CARD14: variants seen among roughly 807,000 people sequenced by gnomAD.
CARD14 encodes the protein caspase recruitment domain-containing protein 14.
CARD14 carries 107 observed loss-of-function variants against 111.5 expected under a neutral mutation model. That is an observed-to-expected ratio of 0.96 (90% confidence interval 0.82 to 1.13). CARD14 has a LOEUF of 1.13. CARD14 is among the 50% of genes most tolerant of loss of function. CARD14 has a pLI of 0.00. For missense variants in CARD14, 1,322 were observed against 1,362.3 expected (o/e 0.97, Z 0.47); for synonymous variants, 617 against 579.6 (o/e 1.06, Z -0.93).
At chr17:80,177,047 C>T (rs2040041989) in intron 2 of CARD14, among the ~76,000 whole-genome samples, 1 of 152,214 alleles carries the variant, frequency 6.6e-6, no homozygotes, top group South Asian at 2.1e-4. Flanking sequence ...CAGAAGTCCA[C>T]ACTCCAGGGG....
In CARD14 at chr17:80,205,577, C is replaced by T. The variant is rs772829777; in HGVS notation, c.2616C>T (p.Asp872=). The change falls in exon 22 of 24, where the codon GAC becomes GAT. Residue 872 remains aspartate, a synonymous_variant. Transcript: ENST00000648509. Reference sequence around the variant, plus strand: ...ATGAGGCCTGGAGCCAGAGAGGGGACATCATCCAGGAGGGAGAGGTGTCCG... The same window carrying T: ...ATGAGGCCTGGAGCCAGAGAGGGGATATCATCCAGGAGGGAGAGGTGTCCG... ...EEYEAWSQRG[D]IIQEGEVSGG... is the part of the protein sequence containing the mutation. The T allele has an allele frequency of 1.3e-6, 2 of 1,575,954 alleles. No homozygotes were observed. Among genetic ancestry groups the T allele is most frequent in the East Asian group, 4.6e-5 (2 of 43,222 alleles).
At chr17:80,192,727 A>G (rs906078157) in intron 12 of CARD14, 108 bp downstream of exon 12, 14 of 717,064 alleles carry the variant, frequency 2.0e-5, no homozygotes, top group Non-Finnish European at 3.2e-5. Flanking sequence ...CCCCACAGGG[A>G]AGAGGTTGGT....
intron 1 of CARD14, 34 bp downstream of exon 1, chr17:80,170,090 GTCAGCCTACGGAGGGC>G (rs138574449): frequency 1.3e-5 from 2 of 151,770 alleles, no homozygotes; most frequent in African/African-American, 2.4e-5. Context: ...CGAAGAGCAG[GTCAGCCTACGGAGGGC>G]TCAGCCTACG....
chr17:80,209,124 T>C lies in CARD14; in HGVS notation c.*779T>C. 5.5e-6 allele frequency: 1 copy of C among 182,330 alleles called. No homozygotes were observed. The highest frequency in any genetic ancestry group is 1.0e-5 in the Non-Finnish European group (1 of 95,610). 11.3% of individuals were successfully genotyped at this position (182,330 alleles called of 1,614,324 possible). A position where few individuals can be genotyped will look rare whatever the true frequency, so the allele number is the denominator to read the frequency against. On this transcript the variant is annotated 3_prime_UTR_variant, in exon 24 of 24. Transcript: ENST00000648509. ...CAGCCCTTCTTGGGCCAAACATCTTTACTCCACCTTCAGGGCTCGGGGAGG... is the reference window on the plus strand; with the variant it reads ...CAGCCCTTCTTGGGCCAAACATCTTCACTCCACCTTCAGGGCTCGGGGAGG...
Position 80,198,603 on chromosome 17 carries a change from G to C in CARD14, c.1851+12G>C, listed in dbSNP as rs767173320. 8.7e-6 allele frequency: 14 copies of C among 1,611,132 alleles called. No individual in the cohort carries two copies. Among genetic ancestry groups the C allele is most frequent in the Non-Finnish European group, 1.1e-5 (13 of 1,179,440 alleles). On this transcript the variant is annotated intron_variant, in intron 16 of 23. Transcript: ENST00000648509. This position sits in a 1 kb window ranked among gnomAD's most constrained non-coding sequence, Gnocchi z 7.5. ...CCCAGATTGTGATGGTGAGCCGTGCGAGGCCCCTCCTGTCCCCCGGGCTCC... is the reference window on the plus strand; with the variant it reads ...CCCAGATTGTGATGGTGAGCCGTGCCAGGCCCCTCCTGTCCCCCGGGCTCC...
At position 80,208,701 on chromosome 17, in the gene CARD14, G is replaced by A. The variant is rs2041491778; in HGVS notation, c.*356G>A. 2 of 222,474 alleles carry A rather than the reference G, an allele frequency of 9.0e-6. No individual in the cohort carries two copies. The highest frequency in any genetic ancestry group is 2.3e-5 in the African/African-American group (1 of 44,088). The allele number at this position is 222,474 out of a possible 1,614,324, so 13.8% of individuals were successfully genotyped here. On this transcript the variant is annotated 3_prime_UTR_variant, in exon 24 of 24. Coordinates refer to ENST00000648509, the MANE Select transcript of CARD14 (RefSeq NM_001366385.1). ...TGGAAAACCGCCTGTCTGCAGGCCC[G>A]ATTCAAATCTATGGGGGCTGCACTT...
At chr17:80,187,815 G>A in intron 7 of CARD14, 1 of 985,446 alleles carries the variant, frequency 1.0e-6, no homozygotes. Context: ...GAGGAAGGAG[G>A]CCAGCAGGAC....
rs1203136702 is a variant in CARD14 at position 80,206,963 on chromosome 17, C to T, written c.2692-7C>T. ...CTTGACTCACTTCTTCTCTCCCTCC[C>T]ACAAAGAACACCCATGCCCTCCTGG... On this transcript the variant is annotated splice_region_variant and splice_polypyrimidine_tract_variant and intron_variant, in intron 22 of 23. Coordinates refer to ENST00000648509, the MANE Select transcript of CARD14 (RefSeq NM_001366385.1). 2 of 1,604,056 alleles carry T rather than the reference C, an allele frequency of 1.2e-6. No homozygotes were observed. Among genetic ancestry groups the T allele is most frequent in the African/African-American group, 1.3e-5 (1 of 74,596 alleles).
At chr17:80,204,555 C>T (rs2041171785) in intron 20 of CARD14, 1 of 459,682 alleles carries the variant, frequency 2.2e-6, no homozygotes, top group Non-Finnish European at 3.9e-6. Flanking sequence ...ACCCGGGAGG[C>T]AGAGGTGGCA....
intron 1 of CARD14, among the ~76,000 whole-genome samples, chr17:80,170,946 T>A (rs1355608886): frequency 6.6e-6 from 1 of 150,590 alleles, no homozygotes; most frequent in Non-Finnish European, 1.5e-5. Flanking sequence ...GTTCAGGTGA[T>A]TCTCCTGCCT....
chr17:80,198,236 T>C lies in CARD14; in HGVS notation c.1658+74T>C. 1.3e-6 allele frequency: 2 copies of C among 1,583,388 alleles called. No individual in the cohort carries two copies. Among genetic ancestry groups the C allele is most frequent in the Non-Finnish European group, 8.7e-7 (1 of 1,154,046 alleles). The stretch of plus-strand genomic sequence containing the variant: ...AGGGAGTGGCAGAGCAGAGGGTGAG[T>C]GTCCTATTACCAATGGGAGGCAACA... On this transcript the variant is annotated intron_variant, in intron 15 of 23. Transcript: ENST00000648509. This position sits in a 1 kb window ranked among gnomAD's most constrained non-coding sequence, Gnocchi z 7.5.
intron 2 of CARD14, among the ~76,000 whole-genome samples, chr17:80,175,957 T>G (rs1314297641): frequency 8.0e-5 from 1 of 12,424 alleles, no homozygotes; most frequent in Non-Finnish European, 2.0e-4. Context: ...GGATCGTTTT[T>G]TTTTTTTTTT....
At chr17:80,199,018 A>G (rs913854814) in intron 16 of CARD14, 14 of 680,622 alleles carry the variant, frequency 2.1e-5, no homozygotes, top group Middle Eastern at 1.4e-3. Context: ...GTGCGATCAC[A>G]GCTCACTGCA....
rs3813064 is a variant in CARD14 at position 80,187,915 on chromosome 17, C to T, written c.676-462C>T. 546 of 985,812 alleles carry T rather than the reference C, an allele frequency of 5.5e-4. 5 individuals carry two copies. The East Asian group carries it at 0.039, about 70-fold the overall frequency. 61.1% of individuals were successfully genotyped at this position (985,812 alleles called of 1,614,324 possible). A position where few individuals can be genotyped will look rare whatever the true frequency, so the allele number is the denominator to read the frequency against. ...TGCTGTCTGAACAGCCCCGGTCCCG[C>T]GTTCCCAGGCACGTCTACCCCTCCG... On this transcript the variant is annotated intron_variant, in intron 7 of 23. Transcript: ENST00000648509.
chr17:80,183,911 A>T lies in CARD14; in HGVS notation c.350-2A>T. The T allele has an allele frequency of 1.3e-6, 2 of 1,483,880 alleles. No homozygotes were observed. Among genetic ancestry groups the T allele is most frequent in the Admixed American group, 2.5e-5 (1 of 40,040 alleles). 91.9% of individuals were successfully genotyped at this position (1,483,880 alleles called of 1,614,324 possible). On this transcript the variant is annotated splice_acceptor_variant, in intron 6 of 23. Coordinates refer to ENST00000648509, the MANE Select transcript of CARD14 (RefSeq NM_001366385.1). LOFTEE classifies it high-confidence loss of function. ...CTTGCTCACCTGCCCATCTGCCCAC[A>T]GGTCTCATGGAGACATCCAAGCTGA...
intron 1 of CARD14, among the ~76,000 whole-genome samples, chr17:80,171,164 C>T (rs61636068): frequency 0.27 from 23,006 of 85,856 alleles, 3,626 homozygotes; most frequent in Non-Finnish European, 0.31. Flanking sequence ...CTTCCCCTTC[C>T]CCTCCCCTTC....
rs2039936009 is a variant in CARD14 at position 80,172,897 on chromosome 17, T to TTTTTTTTTTTTTTTTTTTTTTTTTG, written c.-689-8_-689-7insTTTTTTTTTTTTTTTTTTTTTTTGT. ...CTTTTTTTTTTTTTTTTTTTTTTTT[T>TTTTTTTTTTTTTTTTTTTTTTTTTG]TGAGGTAGAGTTTCACTCTGGCTCC... On this transcript the variant is annotated splice_polypyrimidine_tract_variant and intron_variant, in intron 1 of 23. Transcript: ENST00000648509. 7.6e-6 allele frequency: 1 copy of TTTTTTTTTTTTTTTTTTTTTTTTTG among 131,282 alleles called. No homozygotes were observed. The highest frequency in any genetic ancestry group is 2.5e-4 in the South Asian group (1 of 3,996). 8.1% of individuals were successfully genotyped at this position (131,282 alleles called of 1,614,324 possible).
chr17:80,198,248 A>G lies in CARD14; in HGVS notation c.1658+86A>G. The G allele has an allele frequency of 1.9e-6, 3 of 1,568,992 alleles. No individual in the cohort carries two copies. In the Admixed American group the frequency reaches 5.0e-5, roughly 26 times the overall value. ...AGCAGAGGGTGAGTGTCCTATTACCAATGGGAGGCAACAGCCTTTCCAAGC... is the reference window on the plus strand; with the variant it reads ...AGCAGAGGGTGAGTGTCCTATTACCGATGGGAGGCAACAGCCTTTCCAAGC... On this transcript the variant is annotated intron_variant, in intron 15 of 23. Transcript: ENST00000648509. This position sits in a 1 kb window ranked among gnomAD's most constrained non-coding sequence, Gnocchi z 7.5.
intron 16 of CARD14, among the ~76,000 whole-genome samples, chr17:80,200,286 G>T (rs2040904050): frequency 7.1e-6 from 1 of 140,858 alleles, no homozygotes; most frequent in Non-Finnish European, 1.5e-5. Context: ...GCCCAGGCTG[G>T]AGTGCAGTGG....
Sources: allele counts gnomAD v4.1 joint callset (sites outside exome capture counted in the v4.1 genomes callset), GRCh38; gene constraint gnomAD v4.1.1; non-coding constraint Gnocchi (gnomAD v3.1); transcripts MANE v1.5; gene names NCBI Gene and HGNC (gene_info 2026-07-23, HGNC 2026-07-21).